RALGAPB: variants seen among roughly 807,000 people sequenced by gnomAD.
RALGAPB encodes ral GTPase-activating protein subunit beta.
A neutral mutation model predicts 161.1 loss-of-function variants in RALGAPB; 25 were observed. That is an observed-to-expected ratio of 0.16 (90% CI 0.11 to 0.22). RALGAPB has a LOEUF of 0.22. Among genes scored for constraint, RALGAPB ranks in the 10% least tolerant of loss-of-function variants. RALGAPB has a pLI of 1.00. For synonymous variants in RALGAPB, 629 were observed against 626.1 expected, an observed-to-expected ratio of 1.00 and a Z score of -0.07; for missense variants, 1,391 against 1,815.2, an observed-to-expected ratio of 0.77 and a Z score of 4.25.
At chr20:38,546,002 T>A (rs2087149894) in intron 18 of RALGAPB, among the ~76,000 whole-genome samples, 1 of 152,172 alleles carries the variant, frequency 6.6e-6, no homozygotes, top group Non-Finnish European at 1.5e-5. Flanking sequence ...GAAAGGCAGA[T>A]TAAATGTCTC....
At chr20:38,532,947 G>A in intron 15 of RALGAPB, 88 bp downstream of exon 15, 1 of 1,406,352 alleles carries the variant, frequency 7.1e-7, no homozygotes, top group Non-Finnish European at 9.6e-7. Context: ...AAATGTTAAT[G>A]TTCATGTTTT....
chr20:38,539,652 A>G, intron 16 of RALGAPB, 124 bp from the exon 17 acceptor site: 1 of 824,188 alleles, frequency 1.2e-6, no homozygotes, highest in Non-Finnish European at 1.8e-6. Context: ...TAAATAATAT[A>G]AAAAAGCAAG....
chr20:38,500,581 A>G (rs1250164909), intron 5 of RALGAPB, among the ~76,000 whole-genome samples: 2 of 152,190 alleles, frequency 1.3e-5, no homozygotes, highest in South Asian at 2.1e-4. Flanking sequence ...TAGTAACTCT[A>G]TAATGGCCTC....
chr20:38,481,870 A>G (rs2084980739), intron 1 of RALGAPB, among the ~76,000 whole-genome samples: 1 of 152,252 alleles, frequency 6.6e-6, no homozygotes, highest in African/African-American at 2.4e-5. Context: ...GGATGCTGAC[A>G]TATACTTACC....
Position 38,574,168 on chromosome 20 carries a change from A to G in RALGAPB, c.4161A>G (p.Lys1387=). Residue 1387 remains lysine, a synonymous_variant, in exon 29 of 30, where the codon AAA becomes AAG. Transcript: ENST00000262879. ...TCTTAAGATCTACAACTCTTGAAAA[A>G]GAAGTTCCTGTCATCTTCATCCACC... The part of the protein sequence containing the change: ...STSLRSTTLE[K]EVPVIFIHPL... The G allele has an allele frequency of 6.2e-7, 1 of 1,607,310 alleles. No individual in the cohort carries two copies. The highest frequency in any genetic ancestry group is 1.3e-5 in the African/African-American group (1 of 74,442).
rs1234125660 is a variant in RALGAPB, at chr20:38,562,768, A to AT, written c.3697+71_3697+72insT. The AT allele has an allele frequency of 4.8e-6, 7 of 1,462,622 alleles. No homozygotes were observed. The African/African-American group carries it at 1.0e-4, about 21-fold the overall frequency. 90.6% of individuals were successfully genotyped at this position (1,462,622 alleles called of 1,614,324 possible). A position where few individuals can be genotyped will look rare whatever the true frequency, so the allele number is the denominator to read the frequency against. On this transcript the variant is annotated intron_variant, in intron 24 of 29. Transcript: ENST00000262879. ...GTCTTGTTTTTTTTTTTCCCCCTTTACTGTGATTTATAGTCTTGTTAAAAA... is the reference window on the plus strand; with the variant it reads ...GTCTTGTTTTTTTTTTTCCCCCTTTATCTGTGATTTATAGTCTTGTTAAAAA...
intron 18 of RALGAPB, among the ~76,000 whole-genome samples, chr20:38,543,964 T>C (rs906500128): frequency 6.6e-6 from 1 of 152,206 alleles, no homozygotes; most frequent in Non-Finnish European, 1.5e-5. Context: ...TTTACCTCTT[T>C]GCCAACACAG....
intron 2 of RALGAPB, among the ~76,000 whole-genome samples, chr20:38,489,874 G>A (rs1363860169): frequency 1.3e-5 from 2 of 152,148 alleles, no homozygotes; most frequent in African/African-American, 2.4e-5. Flanking sequence ...TCTTCCTGGT[G>A]CGTTTGTGAT....
At chr20:38,572,927 A>T (rs184565053) in intron 28 of RALGAPB, among the ~76,000 whole-genome samples, 94 of 152,314 alleles carry the variant, frequency 6.2e-4, no homozygotes, top group African/African-American at 2.1e-3. Context: ...TCTGGTTTTA[A>T]TTCCTTCAGT....
At position 38,574,964 on chromosome 20, in the gene RALGAPB, T is replaced by G; in HGVS notation, c.4482T>G (p.Ser1494=). The G allele has an allele frequency of 6.2e-7, 1 of 1,606,216 alleles. No individual in the cohort carries two copies. Among genetic ancestry groups the G allele is most frequent in the South Asian group, 1.1e-5 (1 of 90,910 alleles). The change falls in exon 30 of 30, where the codon TCT becomes TCG. Residue 1494 remains serine, a synonymous_variant. Transcript: ENST00000262879. ...AGGTTGGACTCAAGAACTGCAGTTCTTAGACCACTGAATTTCTAAGACTGT... is the reference window on the plus strand; with the variant it reads ...AGGTTGGACTCAAGAACTGCAGTTCGTAGACCACTGAATTTCTAAGACTGT... ...FQEVGLKNCS[S] is the part of the protein sequence containing the mutation.
chr20:38,573,382 A>G (rs2088313136), intron 28 of RALGAPB, among the ~76,000 whole-genome samples: 1 of 151,984 alleles, frequency 6.6e-6, no homozygotes, highest in African/African-American at 2.4e-5. Flanking sequence ...TTACCTATAT[A>G]GAAAGAAAAT....
At chr20:38,574,110 A>G in intron 28 of RALGAPB, 40 bp from the exon 29 acceptor site, 3 of 1,563,308 alleles carry the variant, frequency 1.9e-6, no homozygotes, top group Non-Finnish European at 2.6e-6. Flanking sequence ...CGGGGACTTC[A>G]ACTCTTGGGT....
intron 13 of RALGAPB, among the ~76,000 whole-genome samples, chr20:38,527,423 G>T (rs1055433475): frequency 6.6e-6 from 1 of 152,106 alleles, no homozygotes; most frequent in South Asian, 2.1e-4. Context: ...GTCTGTAGCT[G>T]GGCAAAAAGT....
intron 25 of RALGAPB, among the ~76,000 whole-genome samples, chr20:38,566,647 T>A (rs1358448340): frequency 1.3e-5 from 2 of 152,256 alleles, no homozygotes; most frequent in Admixed American, 6.5e-5. Context: ...AGACTAGATC[T>A]TCTGTAGCTT....
intron 21 of RALGAPB, 108 bp downstream of exon 21, chr20:38,551,331 G>T: frequency 8.0e-7 from 1 of 1,257,062 alleles, no homozygotes; most frequent in East Asian, 2.3e-5. Flanking sequence ...TTTTTAAGAT[G>T]ACATGGGCCT....
At chr20:38,553,260 C>T (rs1252713319) in intron 21 of RALGAPB, among the ~76,000 whole-genome samples, 1 of 152,088 alleles carries the variant, frequency 6.6e-6, no homozygotes. Context: ...GTTACTCACC[C>T]GGGAATGGAA....
At chr20:38,525,580 A>C in intron 12 of RALGAPB, 62 bp downstream of exon 12, 2 of 1,225,356 alleles carry the variant, frequency 1.6e-6, no homozygotes, top group Non-Finnish European at 2.3e-6. Context: ...ATTTAAGTCA[A>C]ATCGAATGTT....
Position 38,565,292 on chromosome 20 carries a change from T to C in RALGAPB, c.3698-67T>C, listed in dbSNP as rs544868918. On this transcript the variant is annotated intron_variant, in intron 24 of 29. Coordinates refer to ENST00000262879, the MANE Select transcript of RALGAPB (RefSeq NM_020336.4). ...TTTATTAACCAGTTAACATTTCATGTAGCAAGATGATACTGGTTTTTTCCT... is the reference window on the plus strand; with the variant it reads ...TTTATTAACCAGTTAACATTTCATGCAGCAAGATGATACTGGTTTTTTCCT... 1,625 of 1,551,996 alleles carry C rather than the reference T, an allele frequency of 1.0e-3. 32 individuals carry two copies. The South Asian group carries it at 0.018, about 17-fold the overall frequency.
chr20:38,505,410 T>C (rs1322857180), intron 5 of RALGAPB, among the ~76,000 whole-genome samples: 1 of 152,070 alleles, frequency 6.6e-6, no homozygotes, highest in Non-Finnish European at 1.5e-5. Context: ...GATGACAACA[T>C]TAGAAACTGA....
Sources: allele counts gnomAD v4.1 joint callset (sites outside exome capture counted in the v4.1 genomes callset), GRCh38; gene constraint gnomAD v4.1.1; transcripts MANE v1.5; gene names NCBI Gene and HGNC (gene_info 2026-07-23, HGNC 2026-07-21).